ADGRL2: variants seen among roughly 807,000 people sequenced by gnomAD.
ADGRL2 encodes the protein adhesion G protein-coupled receptor L2, also known as calcium-independent alpha-latrotoxin receptor 2.
Under a neutral mutation model 157.4 loss-of-function variants are expected in ADGRL2, and 44 were observed. The observed-to-expected ratio is 0.28, with a 90% CI of 0.22 to 0.36. The LOEUF is 0.36. Among genes scored for constraint, ADGRL2 ranks in the 10% least tolerant of loss-of-function variants. The pLI is 1.00. For missense variants in ADGRL2, 1,510 were observed against 1,768.9 expected, an observed-to-expected ratio of 0.85 and a Z score of 2.63; for synonymous variants, 585 against 624.7, an observed-to-expected ratio of 0.94 and a Z score of 0.95.
At chr1:81,562,946 A>T (rs1238478197) in intron 2 of ADGRL2, among the ~76,000 whole-genome samples, 1 of 152,204 alleles carries the variant, frequency 6.6e-6, no homozygotes, top group Non-Finnish European at 1.5e-5. Flanking sequence ...CGCCCATTCA[A>T]CAATATGTCT....
intron 2 of ADGRL2, among the ~76,000 whole-genome samples, chr1:81,887,997 G>A (rs1397246774): frequency 1.3e-5 from 2 of 152,294 alleles, no homozygotes; most frequent in East Asian, 3.9e-4. Context: ...TGGCTAGACA[G>A]TCAAGCGGCC....
At chr1:81,950,130 T>A in intron 6 of ADGRL2, 59 bp from the exon 7 acceptor site, 3 of 1,421,900 alleles carry the variant, frequency 2.1e-6, no homozygotes, top group South Asian at 1.2e-5. Flanking sequence ...CATGTGTGCA[T>A]GACTGTATGT....
chr1:81,487,728 A>T (rs937661567), intron 2 of ADGRL2, among the ~76,000 whole-genome samples: 4 of 152,158 alleles, frequency 2.6e-5, no homozygotes, highest in Non-Finnish European at 5.9e-5. Flanking sequence ...TATATTCAAT[A>T]ATGCTGTCAA....
At chr1:81,413,367 G>C (rs2076980740) in intron 1 of ADGRL2, among the ~76,000 whole-genome samples, 2 of 151,876 alleles carry the variant, frequency 1.3e-5, no homozygotes, top group South Asian at 2.1e-4. Context: ...GTATTGTGTT[G>C]TATTTACTCA....
chr1:81,836,538 T>C (rs1419157617), intron 1 of ADGRL2, among the ~76,000 whole-genome samples: 1 of 152,034 alleles, frequency 6.6e-6, no homozygotes, highest in African/African-American at 2.4e-5. Context: ...ACTCTGCAGT[T>C]TGGAGAACTG....
chr1:81,919,518 G>A (rs1354060923), intron 3 of ADGRL2, among the ~76,000 whole-genome samples: 1 of 150,310 alleles, frequency 6.7e-6, no homozygotes, highest in Admixed American at 6.6e-5. Flanking sequence ...GTTTCTGTTA[G>A]ATTTATAATA....
intron 4 of ADGRL2, 84 bp downstream of exon 4, chr1:81,936,921 T>A: frequency 1.2e-6 from 1 of 834,008 alleles, no homozygotes; most frequent in Non-Finnish European, 2.1e-6. Flanking sequence ...AAGAAGCATA[T>A]GTTTATGGCC....
intron 2 of ADGRL2, among the ~76,000 whole-genome samples, chr1:81,500,855 GATAA>G (rs980515588): frequency 1.4e-4 from 21 of 152,004 alleles, no homozygotes; most frequent in African/African-American, 5.1e-4. Flanking sequence ...AAATAAAAAA[GATAA>G]ACCAAATTTC....
At chr1:81,867,058 T>C (rs1487229815) in intron 2 of ADGRL2, among the ~76,000 whole-genome samples, 4 of 152,140 alleles carry the variant, frequency 2.6e-5, no homozygotes, top group Non-Finnish European at 5.9e-5. Context: ...GTTATAAAAA[T>C]TGCATTATGT....
At chr1:81,730,883 G>C (rs373561058) in intron 1 of ADGRL2, among the ~76,000 whole-genome samples, 2 of 152,082 alleles carry the variant, frequency 1.3e-5, no homozygotes, top group South Asian at 2.1e-4. Context: ...TGATCAACCT[G>C]ATTATCTACT....
intron 1 of ADGRL2, among the ~76,000 whole-genome samples, chr1:81,311,397 G>T (rs1307885158): frequency 1.3e-5 from 2 of 152,008 alleles, no homozygotes; most frequent in East Asian, 3.9e-4. Flanking sequence ...CTCTAATTAC[G>T]TTCTTTTTTC....
chr1:81,413,816 A>T (rs2076989442), intron 1 of ADGRL2, among the ~76,000 whole-genome samples: 1 of 152,270 alleles, frequency 6.6e-6, no homozygotes, highest in South Asian at 2.1e-4. Context: ...ATCTCTGTAT[A>T]TACACACATA....
intron 1 of ADGRL2, among the ~76,000 whole-genome samples, chr1:81,320,772 G>A (rs1421370275): frequency 6.6e-6 from 1 of 152,184 alleles, no homozygotes; most frequent in Non-Finnish European, 1.5e-5. Context: ...CACAGACAGA[G>A]TAGATTTAGC....
chr1:81,733,386 G>T (rs2084789769), intron 1 of ADGRL2, among the ~76,000 whole-genome samples: 1 of 152,210 alleles, frequency 6.6e-6, no homozygotes, highest in Admixed American at 6.5e-5. Context: ...CAAGGTGCTG[G>T]CAAGGTTGGT....
intron 1 of ADGRL2, among the ~76,000 whole-genome samples, chr1:81,338,640 A>G (rs1661830292): frequency 6.6e-6 from 1 of 152,204 alleles, no homozygotes; most frequent in Non-Finnish European, 1.5e-5. Flanking sequence ...AAATTTAATA[A>G]CAATTGTTAA....
intron 2 of ADGRL2, among the ~76,000 whole-genome samples, chr1:81,459,451 A>G (rs1269803374): frequency 1.3e-5 from 2 of 152,164 alleles, no homozygotes; most frequent in African/African-American, 4.8e-5. Context: ...CTTATTTCAC[A>G]TAACATAATG....
intron 1 of ADGRL2, among the ~76,000 whole-genome samples, chr1:81,403,587 G>C (rs916064943): frequency 6.6e-6 from 1 of 151,926 alleles, no homozygotes; most frequent in Admixed American, 6.6e-5. Flanking sequence ...TCTTTAATGA[G>C]TGTACCTCTA....
intron 1 of ADGRL2, among the ~76,000 whole-genome samples, chr1:81,732,093 T>C (rs1263930682): frequency 2.0e-5 from 3 of 152,184 alleles, no homozygotes; most frequent in African/African-American, 7.2e-5. Flanking sequence ...GAGAAATCCA[T>C]ATATTTTCAA....
At chr1:81,374,076 T>C (rs919761221) in intron 1 of ADGRL2, among the ~76,000 whole-genome samples, 1 of 150,402 alleles carries the variant, frequency 6.6e-6, no homozygotes, top group African/African-American at 2.4e-5. Context: ...TAAATACACA[T>C]ACACACACAC....
Sources: allele counts gnomAD v4.1 joint callset (sites outside exome capture counted in the v4.1 genomes callset), GRCh38; gene constraint gnomAD v4.1.1; transcripts MANE v1.5; gene names NCBI Gene and HGNC (gene_info 2026-07-23, HGNC 2026-07-21).